The following CTNNA3 variants were observed in gnomAD, a reference collection of about 807,000 sequenced individuals.
CTNNA3 encodes the protein catenin alpha-3.
A neutral mutation model predicts 95.7 loss-of-function variants in CTNNA3; 76 were observed. The ratio of observed to expected loss-of-function variants is 0.79; its 90% CI spans 0.66 to 0.96. CTNNA3 has a LOEUF of 0.96. Among genes scored for constraint, CTNNA3 ranks in the 40% least tolerant of loss-of-function variants. The pLI is 0.00. For missense variants in CTNNA3, 1,191 were observed against 1,089.8 expected, an observed-to-expected ratio of 1.09 and a Z score of -1.31; for synonymous variants, 431 against 374.4, an observed-to-expected ratio of 1.15 and a Z score of -1.74.
intron 9 of CTNNA3, among the ~76,000 whole-genome samples, chr10:66,749,230 A>G (rs1039869289): frequency 3.1e-5 from 4 of 127,790 alleles, no homozygotes; most frequent in Admixed American, 8.1e-5. Flanking sequence ...AAAAAAAAAG[A>G]AAAGGAAAGA....
At chr10:67,232,235 GA>G (rs909926855) in intron 5 of CTNNA3, among the ~76,000 whole-genome samples, 2 of 152,072 alleles carry the variant, frequency 1.3e-5, no homozygotes, top group Non-Finnish European at 2.9e-5. Context: ...TAAAATGAAG[GA>G]AAAAATGTTA....
At position 66,876,771 on chromosome 10, in the gene CTNNA3, G is replaced by C. The variant is rs191855110; in HGVS notation, c.1048-101247C>G. Among the ~76,000 whole-genome samples the C allele has an allele frequency of 1.2e-3, 187 of 151,958 alleles. 3 individuals are homozygous for C. The highest frequency in any genetic ancestry group is 4.2e-3 in the African/African-American group (175 of 41,456). ...AGATGGGCAAGCAAGCAGGAGCAAG[G>C]GAACAGAAATAGGAACAAGAGGAAA... On this transcript the variant is annotated intron_variant, in intron 7 of 17. Transcript: ENST00000433211.
At chr10:66,231,853 CA>C (rs1030499752) in intron 13 of CTNNA3, among the ~76,000 whole-genome samples, 22 of 152,246 alleles carry the variant, frequency 1.4e-4, no homozygotes, top group Non-Finnish European at 1.9e-4. Flanking sequence ...AGCTGACAAA[CA>C]AAGCCCCCAT....
intron 10 of CTNNA3, among the ~76,000 whole-genome samples, chr10:66,598,823 C>G (rs180994291): frequency 1.3e-5 from 2 of 151,960 alleles, no homozygotes; most frequent in African/African-American, 2.4e-5. Flanking sequence ...TTGTACTATC[C>G]TAAGTGATCT....
At chr10:67,214,006 A>G (rs1029132799) in intron 6 of CTNNA3, among the ~76,000 whole-genome samples, 14 of 151,838 alleles carry the variant, frequency 9.2e-5, no homozygotes, top group African/African-American at 2.9e-4. Context: ...CTTTCAAACT[A>G]TCTTGATTCT....
At chr10:67,659,995 G>C (rs764129890) in intron 1 of CTNNA3, among the ~76,000 whole-genome samples, 14 of 152,082 alleles carry the variant, frequency 9.2e-5, no homozygotes, top group Non-Finnish European at 1.9e-4. Context: ...TGAAACCAAA[G>C]TCCTTGAAAA....
chr10:67,064,055 C>G (rs1300002368), intron 7 of CTNNA3, among the ~76,000 whole-genome samples: 1 of 152,164 alleles, frequency 6.6e-6, no homozygotes, highest in Non-Finnish European at 1.5e-5. Flanking sequence ...ATATACCTGA[C>G]GCTTCAGCTT....
intron 5 of CTNNA3, among the ~76,000 whole-genome samples, chr10:67,257,541 A>G: frequency 6.6e-6 from 1 of 152,162 alleles, no homozygotes; most frequent in Admixed American, 6.5e-5. Flanking sequence ...TTTTATATTT[A>G]TAACTTTAAT....
In CTNNA3 at chr10:67,420,851, T is replaced by C. The variant is rs550504023; in HGVS notation, c.579+100991A>G. ...TTCTTATTATTGATATTAATACGTA[T>C]AAAGTTCAGGGGTTAATGAGTCTCA... On this transcript the variant is annotated intron_variant, in intron 5 of 17. Transcript: ENST00000433211. Among the ~76,000 whole-genome samples, 136 of 152,296 alleles carry C rather than the reference T, an allele frequency of 8.9e-4. 1 individual carries two copies. Among genetic ancestry groups the C allele is most frequent in the African/African-American group, 3.2e-3 (132 of 41,586 alleles).
At chr10:67,230,799 G>A (rs920922840) in intron 5 of CTNNA3, among the ~76,000 whole-genome samples, 2 of 152,168 alleles carry the variant, frequency 1.3e-5, no homozygotes, top group Non-Finnish European at 2.9e-5. Context: ...GACACTGGGC[G>A]CAGGTCAGTG....
At chr10:65,987,215 G>A (rs1356269653) in intron 16 of CTNNA3, among the ~76,000 whole-genome samples, 1 of 151,942 alleles carries the variant, frequency 6.6e-6, no homozygotes, top group Non-Finnish European at 1.5e-5. Context: ...AAACTAAAAA[G>A]GTTTTGCACA....
At chr10:66,925,818 A>T (rs1326131684) in intron 7 of CTNNA3, 1 of 339,028 alleles carries the variant, frequency 2.9e-6, no homozygotes, top group East Asian at 8.4e-5. Flanking sequence ...AGACGTTGCC[A>T]AATTGTAAAA....
intron 9 of CTNNA3, among the ~76,000 whole-genome samples, chr10:66,686,416 T>C (rs921511998): frequency 6.6e-6 from 1 of 152,172 alleles, no homozygotes; most frequent in Non-Finnish European, 1.5e-5. Context: ...TGAGCTGTGA[T>C]TGCACTACTG....
chr10:66,203,179 T>C (rs1330076043), intron 13 of CTNNA3, among the ~76,000 whole-genome samples: 1 of 152,082 alleles, frequency 6.6e-6, no homozygotes. Flanking sequence ...TGGCCACACT[T>C]GAAAAGGTCA....
chr10:66,302,408 A>C (rs989207003), intron 12 of CTNNA3, among the ~76,000 whole-genome samples: 2 of 152,112 alleles, frequency 1.3e-5, no homozygotes, highest in African/African-American at 4.8e-5. Context: ...ACACTACCTG[A>C]CTTCAAGACC....
chr10:67,259,932 T>A (rs1866526878), intron 5 of CTNNA3, among the ~76,000 whole-genome samples: 2 of 152,300 alleles, frequency 1.3e-5, no homozygotes, highest in Admixed American at 1.3e-4. Flanking sequence ...TGTAGTTTCA[T>A]CATCAAAATA....
At chr10:67,664,151 C>T (rs1840270498) in intron 1 of CTNNA3, among the ~76,000 whole-genome samples, 1 of 152,148 alleles carries the variant, frequency 6.6e-6, no homozygotes, top group Admixed American at 6.5e-5. Context: ...TACATTTATA[C>T]AAAATTGCTA....
chr10:66,507,382 T>C (rs1027629298), intron 11 of CTNNA3, among the ~76,000 whole-genome samples: 2 of 152,150 alleles, frequency 1.3e-5, no homozygotes, highest in Non-Finnish European at 2.9e-5. Flanking sequence ...TTCTAGCTTT[T>C]TGAACATATA....
chr10:66,545,228 C>A (rs925225172), intron 10 of CTNNA3, among the ~76,000 whole-genome samples: 23 of 151,870 alleles, frequency 1.5e-4, no homozygotes, highest in Non-Finnish European at 3.1e-4. Context: ...AAATTACACA[C>A]CCTTATATGC....
Sources: gnomAD v4.1 joint callset for allele counts (sites outside exome capture counted in the v4.1 genomes callset) on GRCh38, gnomAD v4.1.1 for gene constraint, MANE v1.5 for transcripts, NCBI Gene and HGNC (gene_info 2026-07-23, HGNC 2026-07-21) for gene names.